The following ENPEP variants were observed in gnomAD, a reference collection of about 807,000 sequenced individuals.
The protein encoded by ENPEP is AP-A.
Under a neutral mutation model 114.5 loss-of-function variants are expected in ENPEP, and 103 were observed. The ratio of observed to expected loss-of-function variants is 0.90; its 90% CI spans 0.77 to 1.06. The LOEUF is 1.06. ENPEP is among the 50% of genes least tolerant of loss of function. The pLI is 0.00. For synonymous variants in ENPEP, 420 were observed against 422.0 expected (o/e 1.00, Z 0.06); for missense variants, 1,196 against 1,161.3 (o/e 1.03, Z -0.43).
chr4:110,477,274 G>A (rs1724149299), intron 1 of ENPEP, among the ~76,000 whole-genome samples: 1 of 152,124 alleles, frequency 6.6e-6, no homozygotes, highest in South Asian at 2.1e-4. Context: ...AATGAGCTTC[G>A]TAGAGTCAAA....
chr4:110,502,782 A>G (rs538936079), intron 3 of ENPEP, among the ~76,000 whole-genome samples: 1 of 152,168 alleles, frequency 6.6e-6, no homozygotes, highest in Non-Finnish European at 1.5e-5. Context: ...ATTTTAAAAT[A>G]GTTTTTTTCT....
chr4:110,524,971 C>G (rs970848963), intron 10 of ENPEP, among the ~76,000 whole-genome samples: 3 of 152,152 alleles, frequency 2.0e-5, no homozygotes, highest in Non-Finnish European at 4.4e-5. Flanking sequence ...AGGCTGGTCT[C>G]AAACTCCTGA....
At position 110,564,038 on chromosome 4, in the gene ENPEP, G is replaced by A. The variant is rs867230803; in HGVS notation, c.*2480G>A. ...GATGAGAAGGAAGTAGAAAAGAGGG[G>A]ATTCAAATTACCAGTGGTGCTTTCT... On this transcript the variant is annotated 3_prime_UTR_variant, in exon 20 of 20. Transcript: ENST00000265162. 2 of 151,320 alleles carry A rather than the reference G, an allele frequency of 1.3e-5. No homozygotes were observed. Among genetic ancestry groups the A allele is most frequent in the African/African-American group, 4.8e-5 (2 of 41,358 alleles). 9.4% of individuals were successfully genotyped at this position (151,320 alleles called of 1,614,324 possible). A position where few individuals can be genotyped will look rare whatever the true frequency, so the allele number is the denominator to read the frequency against.
At chr4:110,506,790 A>T in intron 4 of ENPEP, 33 bp downstream of exon 4, 2 of 1,428,118 alleles carry the variant, frequency 1.4e-6, no homozygotes, top group Non-Finnish European at 1.9e-6. Flanking sequence ...CTTATTTTTA[A>T]TATTGCCTTT....
chr4:110,506,307 T>C lies in ENPEP; in HGVS notation c.919-330T>C, dbSNP rs1465027578. The C allele has an allele frequency of 1.6e-5, 3 of 192,126 alleles. No individual in the cohort carries two copies. In the East Asian group the frequency reaches 4.1e-4, roughly 26 times the overall value. 11.9% of individuals were successfully genotyped at this position (192,126 alleles called of 1,614,324 possible). A position where few individuals can be genotyped will look rare whatever the true frequency, so the allele number is the denominator to read the frequency against. On this transcript the variant is annotated intron_variant, in intron 3 of 19. Transcript: ENST00000265162. ...GATAAATTCATAGATTTTAAGAAGA[T>C]AATATATGTTCTAAGTAGAAAAAAT... is the stretch of plus-strand genomic sequence containing the variant.
At chr4:110,478,257 GA>G (rs1440118898) in intron 1 of ENPEP, among the ~76,000 whole-genome samples, 1 of 152,136 alleles carries the variant, frequency 6.6e-6, no homozygotes, top group Non-Finnish European at 1.5e-5. Flanking sequence ...GTGGTAAACT[GA>G]TAAATTGAGT....
chr4:110,548,440 G>A, intron 14 of ENPEP, 114 bp downstream of exon 14: 2 of 836,524 alleles, frequency 2.4e-6, no homozygotes, highest in Non-Finnish European at 3.4e-6. Flanking sequence ...CTTGCCAGGT[G>A]GAATCAAAAG....
At chr4:110,500,317 A>G (rs1348350675) in intron 3 of ENPEP, among the ~76,000 whole-genome samples, 1 of 152,214 alleles carries the variant, frequency 6.6e-6, no homozygotes, top group Non-Finnish European at 1.5e-5. Context: ...ATGTTAAAGC[A>G]GATATGTCTT....
intron 14 of ENPEP, 97 bp downstream of exon 14, chr4:110,548,423 A>G: frequency 3.8e-6 from 4 of 1,046,138 alleles, no homozygotes; most frequent in Non-Finnish European, 5.2e-6. Flanking sequence ...GACCTAAACC[A>G]TGTTTGCTTG....
chr4:110,521,923 G>A (rs528960355), intron 10 of ENPEP, among the ~76,000 whole-genome samples: 1 of 147,910 alleles, frequency 6.8e-6, no homozygotes, highest in African/African-American at 2.6e-5. Flanking sequence ...CTGTCACCCA[G>A]GTTGGAGTGC....
rs575446951 is a variant in ENPEP at position 110,535,236 on chromosome 4, T to C, written c.1807+3959T>C. Among the ~76,000 whole-genome samples the C allele has an allele frequency of 2.5e-4, 38 of 152,332 alleles. No individual in the cohort carries two copies. In the South Asian group the frequency reaches 5.0e-3, roughly 20 times the overall value. ...CTAGGAGGTGGTGCGGACTCTACAA[T>C]AGCTGTTTTTGCAACTCTTACTTCC... On this transcript the variant is annotated intron_variant, in intron 11 of 19. Transcript: ENST00000265162.
chr4:110,499,912 G>C lies in ENPEP; in HGVS notation c.919-6725G>C, dbSNP rs536703211. The stretch of plus-strand genomic sequence containing the variant: ...CATAGAATTGACGTGTGGAGTAAAA[G>C]AAATGTTGCATGGAAAATGCTTATC... On this transcript the variant is annotated intron_variant, in intron 3 of 19. Coordinates refer to ENST00000265162, the MANE Select transcript of ENPEP (RefSeq NM_001977.4). 3.9e-5 allele frequency: 6 copies of C among 152,212 alleles called. 2 individuals carry two copies. The highest frequency in any genetic ancestry group is 1.4e-4 in the African/African-American group (6 of 41,534). The allele number at this position is 152,212 out of a possible 1,614,324, so 9.4% of individuals were successfully genotyped here.
intron 3 of ENPEP, among the ~76,000 whole-genome samples, chr4:110,499,333 A>T (rs1182127457): frequency 6.6e-6 from 1 of 152,196 alleles, no homozygotes; most frequent in Admixed American, 6.5e-5. Context: ...TCTATTTTAC[A>T]GCTGGGGAGG....
chr4:110,522,711 G>A lies in ENPEP; in HGVS notation c.1727+2345G>A, dbSNP rs149414267. Reference sequence around the variant, plus strand: ...CACATCAACCCTGAATGCAAGAAGCGAATGAGGCAATGCTTCCAAAACACT... The same window carrying A: ...CACATCAACCCTGAATGCAAGAAGCAAATGAGGCAATGCTTCCAAAACACT... On this transcript the variant is annotated intron_variant, in intron 10 of 19. Transcript: ENST00000265162. Among the ~76,000 whole-genome samples the A allele has an allele frequency of 5.1e-3, 781 of 152,264 alleles. 5 individuals are homozygous for A. Among genetic ancestry groups the A allele is most frequent in the African/African-American group, 0.018 (735 of 41,542 alleles).
chr4:110,520,712 A>G (rs573229626), intron 10 of ENPEP, among the ~76,000 whole-genome samples: 1 of 152,330 alleles, frequency 6.6e-6, no homozygotes, highest in East Asian at 1.9e-4. Context: ...TGAGGAAAAT[A>G]CAACCAGATA....
intron 4 of ENPEP, 119 bp downstream of exon 4, chr4:110,506,876 T>C (rs1725391870): frequency 2.1e-6 from 2 of 940,298 alleles, no homozygotes; most frequent in East Asian, 2.8e-5. Context: ...CCTTTTATTC[T>C]ATGCCGACAA....
chr4:110,504,491 A>G (rs548518749), intron 3 of ENPEP, among the ~76,000 whole-genome samples: 1 of 152,218 alleles, frequency 6.6e-6, no homozygotes, highest in African/African-American at 2.4e-5. Context: ...ATGTTCAGCC[A>G]GGGGATGGGG....
At chr4:110,531,808 G>C (rs559605131) in intron 11 of ENPEP, among the ~76,000 whole-genome samples, 2 of 151,998 alleles carry the variant, frequency 1.3e-5, no homozygotes, top group Non-Finnish European at 2.9e-5. Context: ...AATAGATAAG[G>C]CAAGCTTTAG....
chr4:110,530,055 A>C (rs1338613911), intron 10 of ENPEP, among the ~76,000 whole-genome samples: 1 of 148,788 alleles, frequency 6.7e-6, no homozygotes, highest in African/African-American at 2.4e-5. Flanking sequence ...CAGCCTGGGC[A>C]ACAAGAATGA....
Sources: allele counts gnomAD v4.1 joint callset (sites outside exome capture counted in the v4.1 genomes callset), GRCh38; gene constraint gnomAD v4.1.1; transcripts MANE v1.5; gene names NCBI Gene and HGNC (gene_info 2026-07-23, HGNC 2026-07-21).